Variants in GLIS2 observed in about 807,000 individuals in gnomAD.
GLIS2 encodes GLIS family zinc finger 2, also known as zinc finger protein GLIS2.
A neutral mutation model predicts 35.6 loss-of-function variants in GLIS2; 14 were observed. The ratio of observed to expected loss-of-function variants is 0.39; its 90% CI spans 0.26 to 0.61. The LOEUF (loss-of-function observed/expected upper bound fraction) is 0.61. Among genes scored for constraint, GLIS2 ranks in the 20% least tolerant of loss-of-function variants. The pLI is 0.48. For missense variants in GLIS2, 675 were observed against 713.4 expected (o/e 0.95, Z 0.61); for synonymous variants, 368 against 325.1 (o/e 1.13, Z -1.42).
Position 4,329,803 on chromosome 16 carries a change from C to T in GLIS2, c.-66-2412C>T, listed in dbSNP as rs572424825. ...TACCGCGAAAGACGGGATCTCACAGCGTGATTGTGCGGCAGTTAGATTTTC... is the reference window on the plus strand; with the variant it reads ...TACCGCGAAAGACGGGATCTCACAGTGTGATTGTGCGGCAGTTAGATTTTC... On this transcript the variant is annotated intron_variant, in intron 1 of 6. Coordinates refer to ENST00000433375, the MANE Select transcript of GLIS2 (RefSeq NM_032575.3). Among the ~76,000 whole-genome samples, 5 of 152,314 alleles carry T rather than the reference C, an allele frequency of 3.3e-5. No homozygotes were observed. In the East Asian group the frequency reaches 5.8e-4, roughly 18 times the overall value.
chr16:4,320,187 G>A lies in GLIS2; in HGVS notation c.-67+3933G>A, dbSNP rs118186697. ...ACTCCAGCCTTGGCAGATGGCTGCC[G>A]GGGAAGGGACGGAGACCCAGCCCTG... On this transcript the variant is annotated intron_variant, in intron 1 of 6. Transcript: ENST00000433375. This position sits in a 1 kb window ranked among gnomAD's most constrained non-coding sequence, Gnocchi z 5.6. Among the ~76,000 whole-genome samples, 656 of 152,236 alleles carry A rather than the reference G, an allele frequency of 4.3e-3. 1 individual carries two copies. The highest frequency in any genetic ancestry group is 7.4e-3 in the Non-Finnish European group (502 of 67,988).
intron 1 of GLIS2, among the ~76,000 whole-genome samples, chr16:4,328,032 A>G (rs1431877862): frequency 6.6e-6 from 1 of 152,034 alleles, no homozygotes; most frequent in African/African-American, 2.4e-5. Flanking sequence ...CCGGGGGGAA[A>G]CTGAGGAACG....
intron 1 of GLIS2, among the ~76,000 whole-genome samples, chr16:4,331,262 G>A (rs974074085): frequency 6.6e-6 from 1 of 152,146 alleles, no homozygotes; most frequent in Non-Finnish European, 1.5e-5. Flanking sequence ...TTACAGGTGT[G>A]AGTTACTGCG....
intron 1 of GLIS2, among the ~76,000 whole-genome samples, chr16:4,322,113 G>A (rs939530252): frequency 6.6e-6 from 1 of 151,724 alleles, no homozygotes; most frequent in African/African-American, 2.4e-5. Flanking sequence ...GGTGAGGGAG[G>A]AGCTGGCACC....
chr16:4,334,266 C>G (rs1348811265), intron 3 of GLIS2, among the ~76,000 whole-genome samples: 1 of 124,926 alleles, frequency 8.0e-6, no homozygotes, highest in South Asian at 2.8e-4. Flanking sequence ...TAAACAGGGT[C>G]TAGCTCTGTC....
chr16:4,335,347 C>T lies in GLIS2; in HGVS notation c.729C>T (p.Ser243=), dbSNP rs978816888. The change falls in exon 6 of 7, where the codon AGC becomes AGT. Residue 243 remains serine (S), a synonymous_variant. Transcript: ENST00000433375. The surrounding 1 kb of genome is among the most constrained non-coding windows in gnomAD (Gnocchi z 4.6). ...ACCGCTGTCCGACCTGCAGCAAGAG[C>T]TTCTCCCGCCTGGAGAACCTGAAGA... ...KPHRCPTCSK[S]FSRLENLKIH... 3 of 1,613,676 alleles carry T rather than the reference C, an allele frequency of 1.9e-6. No individual in the cohort carries two copies. Among genetic ancestry groups the T allele is most frequent in the South Asian group, 1.1e-5 (1 of 91,084 alleles).
chr16:4,318,810 A>G (rs2053343891), intron 1 of GLIS2, among the ~76,000 whole-genome samples: 1 of 152,234 alleles, frequency 6.6e-6, no homozygotes. Flanking sequence ...TTTCCCGGCA[A>G]CAATTTCCCA....
At chr16:4,336,494 G>T in intron 6 of GLIS2, 2 of 632,936 alleles carry the variant, frequency 3.2e-6, no homozygotes, top group South Asian at 3.6e-5. Context: ...TGTAGCAGAG[G>T]GTGCAGGGCG....
rs1443883921 is a variant in GLIS2 at position 4,316,195 on chromosome 16, C to A, written c.-126C>A. 3.8e-4 allele frequency among the ~76,000 whole-genome samples: 56 copies of A among 145,828 alleles called. 1 individual carries two copies. Among genetic ancestry groups the A allele is most frequent in the South Asian group, 2.3e-3 (11 of 4,736 alleles). On this transcript the variant is annotated 5_prime_UTR_variant, in exon 1 of 7. Coordinates refer to ENST00000433375, the MANE Select transcript of GLIS2 (RefSeq NM_032575.3). ...GTCCCGGCCCCTCCCCCGCTCGGCT[C>A]CCCGCGCCCCCCGACCGCCGGAGCC...
chr16:4,318,228 C>T (rs974168887), intron 1 of GLIS2, among the ~76,000 whole-genome samples: 1 of 152,170 alleles, frequency 6.6e-6, no homozygotes, highest in Non-Finnish European at 1.5e-5. Flanking sequence ...GCCCTGGGTT[C>T]AAGTCTTGGC....
chr16:4,324,353 G>A (rs183593420), intron 1 of GLIS2, among the ~76,000 whole-genome samples: 10 of 152,352 alleles, frequency 6.6e-5, no homozygotes, highest in Admixed American at 2.6e-4. Context: ...TCTGCGGCCA[G>A]CTCCTTCCAG....
rs1170653765 is a variant in GLIS2 at position 4,339,014 on chromosome 16, C to T, written c.*1490C>T. On this transcript the variant is annotated 3_prime_UTR_variant, in exon 7 of 7. Coordinates refer to ENST00000433375, the MANE Select transcript of GLIS2 (RefSeq NM_032575.3). The stretch of plus-strand genomic sequence containing the variant: ...GGACAGCCTTGGGGTCCTTAGTGGC[C>T]CTGCAGGTCCTCTGGCAGCTCTGCT... 2 of 152,396 alleles carry T rather than the reference C, an allele frequency of 1.3e-5. No homozygotes were observed. The highest frequency in any genetic ancestry group is 1.9e-4 in the East Asian group (1 of 5,212). The allele number at this position is 152,396 out of a possible 1,614,324, so 9.4% of individuals were successfully genotyped here.
In GLIS2 at chr16:4,338,866, C is replaced by G. The variant is rs989146891; in HGVS notation, c.*1342C>G. 7.9e-5 allele frequency: 12 copies of G among 152,408 alleles called. No homozygotes were observed. The highest frequency in any genetic ancestry group is 2.7e-4 in the African/African-American group (11 of 41,460). The allele number at this position is 152,408 out of a possible 1,614,324, so 9.4% of individuals were successfully genotyped here. A position where few individuals can be genotyped will look rare whatever the true frequency, so the allele number is the denominator to read the frequency against. Reference sequence around the variant, plus strand: ...GCAGCCATGCACCCCCCATCTGGGGCCTCTCCCTGCTCCCTCTCCCACCTG... The same window carrying G: ...GCAGCCATGCACCCCCCATCTGGGGGCTCTCCCTGCTCCCTCTCCCACCTG... On this transcript the variant is annotated 3_prime_UTR_variant, in exon 7 of 7. Coordinates refer to ENST00000433375, the MANE Select transcript of GLIS2 (RefSeq NM_032575.3).
intron 1 of GLIS2, chr16:4,331,841 A>T: frequency 4.0e-6 from 1 of 252,758 alleles, no homozygotes; most frequent in Non-Finnish European, 7.9e-6. Context: ...CCCAGCTACC[A>T]GGGAGGCTGA....
At position 4,335,513 on chromosome 16, in the gene GLIS2, G is replaced by C; in HGVS notation, c.775+120G>C. 1.1e-6 allele frequency: 1 copy of C among 887,572 alleles called. No individual in the cohort carries two copies. The highest frequency in any genetic ancestry group is 1.8e-6 in the Non-Finnish European group (1 of 555,894). The allele number at this position is 887,572 out of a possible 1,614,324, so 55.0% of individuals were successfully genotyped here. A position where few individuals can be genotyped will look rare whatever the true frequency, so the allele number is the denominator to read the frequency against. The stretch of plus-strand genomic sequence containing the variant: ...ATCCCGGGCCTCAGAGATAAGGGTT[G>C]ATGTCATCGCCCAGGGGTCCCTTTT... On this transcript the variant is annotated intron_variant, in intron 6 of 6. Transcript: ENST00000433375. The surrounding 1 kb of genome is among the most constrained non-coding windows in gnomAD (Gnocchi z 4.6).
At chr16:4,330,387 A>G (rs184787505) in intron 1 of GLIS2, among the ~76,000 whole-genome samples, 14 of 152,398 alleles carry the variant, frequency 9.2e-5, no homozygotes, top group African/African-American at 2.6e-4. Context: ...TAATTTCTAC[A>G]TATTTATATA....
chr16:4,329,190 CAGAT>C (rs1007616571), intron 1 of GLIS2: 2 of 152,264 alleles, frequency 1.3e-5, no homozygotes, highest in African/African-American at 4.8e-5. Context: ...GATAGACACA[CAGAT>C]AGACAGATGG....
chr16:4,334,097 A>T (rs1437030510), intron 3 of GLIS2, among the ~76,000 whole-genome samples: 2 of 150,432 alleles, frequency 1.3e-5, no homozygotes, highest in African/African-American at 4.9e-5. Context: ...ACACCATCAC[A>T]CCTGGCTACT....
intron 1 of GLIS2, among the ~76,000 whole-genome samples, chr16:4,322,908 A>G (rs1031141742): frequency 1.2e-4 from 19 of 152,186 alleles, no homozygotes; most frequent in South Asian, 2.1e-4. Flanking sequence ...GCCTGCAGCC[A>G]GGCGTGGCTT....
Sources: allele counts gnomAD v4.1 joint callset (sites outside exome capture counted in the v4.1 genomes callset), GRCh38; gene constraint gnomAD v4.1.1; non-coding constraint Gnocchi (gnomAD v3.1); transcripts MANE v1.5; gene names NCBI Gene and HGNC (gene_info 2026-07-23, HGNC 2026-07-21).